The following RALY variants were observed in gnomAD, a reference collection of about 807,000 sequenced individuals.
RALY encodes the protein RNA-binding protein Raly.
In RALY, 15 loss-of-function variants were observed where a neutral mutation model predicts 30.7. The ratio of observed to expected loss-of-function variants is 0.49; its 90% CI spans 0.33 to 0.75. RALY has a LOEUF of 0.75. Among genes scored for constraint, RALY ranks in the 30% least tolerant of loss-of-function variants. The pLI, the probability that RALY is intolerant of heterozygous loss-of-function variation, is 0.02. For missense variants in RALY, 339 were observed against 414.3 expected, an observed-to-expected ratio of 0.82 and a Z score of 1.58; for synonymous variants, 177 against 170.8, an observed-to-expected ratio of 1.04 and a Z score of -0.28.
chr20:34,066,567 A>G (rs913445295), intron 2 of RALY, among the ~76,000 whole-genome samples: 4 of 151,990 alleles, frequency 2.6e-5, no homozygotes, highest in Non-Finnish European at 4.4e-5. Flanking sequence ...TTATTTGTTT[A>G]TTTTGTAGAG....
intron 1 of RALY, among the ~76,000 whole-genome samples, chr20:34,016,141 G>C (rs1398063840): frequency 6.6e-6 from 1 of 152,100 alleles, no homozygotes; most frequent in East Asian, 1.9e-4. Flanking sequence ...CACACACCGA[G>C]TACCACAGCA....
At chr20:34,034,802 A>G (rs6120487) in intron 2 of RALY, among the ~76,000 whole-genome samples, 93,374 of 152,028 alleles carry the variant, frequency 0.61, 30,230 homozygotes, top group South Asian at 0.85. Context: ...TATTAATACC[A>G]TCTAGGGGTG....
intron 8 of RALY, chr20:34,077,603 G>A (rs1198892621): frequency 5.4e-6 from 2 of 370,216 alleles, no homozygotes; most frequent in Admixed American, 4.6e-5. Context: ...CAGCCAGGAG[G>A]TGGGTTTTTC....
At chr20:34,077,876 A>G (rs1329121342) in intron 8 of RALY, among the ~76,000 whole-genome samples, 3 of 152,246 alleles carry the variant, frequency 2.0e-5, no homozygotes, top group Admixed American at 6.5e-5. Flanking sequence ...GCCCTGTACT[A>G]TGCAGAGTAT....
At chr20:34,062,812 A>C (rs2033456389) in intron 2 of RALY, among the ~76,000 whole-genome samples, 1 of 152,258 alleles carries the variant, frequency 6.6e-6, no homozygotes, top group African/African-American at 2.4e-5. Context: ...GCAAGCAGTG[A>C]CTAATCTTGC....
chr20:34,057,004 A>G lies in RALY; in HGVS notation c.-9-15062A>G, dbSNP rs572376024. On this transcript the variant is annotated intron_variant, in intron 2 of 9. Coordinates refer to ENST00000246194, the MANE Select transcript of RALY (RefSeq NM_016732.3). The stretch of plus-strand genomic sequence containing the variant: ...TGTTTATAATAGTGAGAAATTGGAA[A>G]AAGCCTAAAAGACCACCAATCTAAA... Among the ~76,000 whole-genome samples the G allele has an allele frequency of 1.2e-4, 18 of 152,354 alleles. No homozygotes were observed. In the South Asian group the frequency reaches 3.5e-3, roughly 30 times the overall value.
At chr20:34,065,698 C>G (rs1363925470) in intron 2 of RALY, among the ~76,000 whole-genome samples, 1 of 152,186 alleles carries the variant, frequency 6.6e-6, no homozygotes, top group East Asian at 1.9e-4. Flanking sequence ...TTGACTTTCT[C>G]CAGAAATAGT....
chr20:34,074,797 G>C (rs2033828558), intron 5 of RALY, among the ~76,000 whole-genome samples: 3 of 152,180 alleles, frequency 2.0e-5, no homozygotes. Flanking sequence ...CCCTCCCCTT[G>C]GGGGCAGAAA....
At chr20:34,036,165 A>G (rs1054820545) in intron 2 of RALY, among the ~76,000 whole-genome samples, 1 of 152,186 alleles carries the variant, frequency 6.6e-6, no homozygotes, top group African/African-American at 2.4e-5. Flanking sequence ...CCCCTGCCTA[A>G]TTGTACCAGC....
At chr20:34,034,571 A>G (rs1217127207) in intron 2 of RALY, among the ~76,000 whole-genome samples, 1 of 152,238 alleles carries the variant, frequency 6.6e-6, no homozygotes, top group Non-Finnish European at 1.5e-5. Flanking sequence ...ATACATTTAT[A>G]TATGATAAGC....
rs1340274913 is a variant in RALY, at chr20:34,082,754, C to T, written c.*2849C>T. On this transcript the variant is annotated 3_prime_UTR_variant, in exon 10 of 10. Coordinates refer to ENST00000246194, the MANE Select transcript of RALY (RefSeq NM_016732.3). ...GGCTTCTAACAGTGCATACACATGC[C>T]CTTCCTCTGAGTCGGGGCAGCAAAA... 6.6e-6 allele frequency: 1 copy of T among 152,208 alleles called. No homozygotes were observed. Among genetic ancestry groups the T allele is most frequent in the Non-Finnish European group, 1.5e-5 (1 of 68,054 alleles). 9.4% of individuals were successfully genotyped at this position (152,208 alleles called of 1,614,324 possible).
intron 2 of RALY, among the ~76,000 whole-genome samples, chr20:34,038,288 G>C (rs906456079): frequency 3.9e-5 from 6 of 152,184 alleles, no homozygotes; most frequent in African/African-American, 1.4e-4. Flanking sequence ...CTGTGGCAGT[G>C]AGACAGGGTC....
chr20:34,029,558 AC>A (rs2032192096), intron 1 of RALY, among the ~76,000 whole-genome samples: 1 of 150,074 alleles, frequency 6.7e-6, no homozygotes. Flanking sequence ...AAAAAAACCC[AC>A]AAGGATTTGG....
At chr20:34,042,755 C>G (rs551531636) in intron 2 of RALY, among the ~76,000 whole-genome samples, 1 of 152,162 alleles carries the variant, frequency 6.6e-6, no homozygotes, top group Non-Finnish European at 1.5e-5. Flanking sequence ...AATATTTTAT[C>G]TGCGTATTAA....
chr20:34,049,373 C>A (rs1238566526), intron 2 of RALY, among the ~76,000 whole-genome samples: 2 of 152,112 alleles, frequency 1.3e-5, no homozygotes, highest in Admixed American at 6.5e-5. Context: ...TTTAGGTGTG[C>A]CATGATGGGC....
intron 1 of RALY, among the ~76,000 whole-genome samples, chr20:34,006,425 G>C (rs529095002): frequency 1.3e-5 from 2 of 152,122 alleles, no homozygotes; most frequent in Non-Finnish European, 2.9e-5. Context: ...CCAGATGATC[G>C]TGTTCAAATG....
At chr20:34,071,964 T>G in intron 2 of RALY, 102 bp from the exon 3 acceptor site, 2 of 1,323,828 alleles carry the variant, frequency 1.5e-6, no homozygotes, top group Non-Finnish European at 2.1e-6. Context: ...GCTATAAGGG[T>G]TAAGGAAGGT....
chr20:34,011,402 GTTT>G (rs1364038817), intron 1 of RALY, among the ~76,000 whole-genome samples: 9 of 152,118 alleles, frequency 5.9e-5, no homozygotes, highest in African/African-American at 2.2e-4. Context: ...TAACTCAGAG[GTTT>G]TTAAGTAAAT....
intron 9 of RALY, 87 bp from the exon 10 acceptor site, chr20:34,079,822 TC>T (rs1185880573): frequency 6.6e-6 from 1 of 152,308 alleles, no homozygotes; most frequent in Non-Finnish European, 1.5e-5. Flanking sequence ...CAGACATCAT[TC>T]CACCCTTTCT....
Sources: allele counts gnomAD v4.1 joint callset (sites outside exome capture counted in the v4.1 genomes callset), GRCh38; gene constraint gnomAD v4.1.1; transcripts MANE v1.5; gene names NCBI Gene and HGNC (gene_info 2026-07-23, HGNC 2026-07-21).